MRC2: variants seen among roughly 807,000 people sequenced by gnomAD.
MRC2 encodes the protein C-type mannose receptor 2.
In MRC2, 84 loss-of-function variants were observed where a neutral mutation model predicts 206.2. The ratio of observed to expected loss-of-function variants is 0.41; its 90% CI spans 0.34 to 0.49. The LOEUF is 0.49. Ranked by LOEUF, MRC2 falls within the 20% of genes least tolerant of loss-of-function variation. The pLI is 0.31. For synonymous variants in MRC2, 798 were observed against 800.0 expected (o/e 1.00, Z 0.04); for missense variants, 1,676 against 2,001.5 (o/e 0.84, Z 3.10).
At chr17:62,628,239 C>T (rs2084185919) in intron 1 of MRC2, among the ~76,000 whole-genome samples, 1 of 152,016 alleles carries the variant, frequency 6.6e-6, no homozygotes, top group South Asian at 2.1e-4. Context: ...ACCGCGCTCC[C>T]GGACCACCCG....
Position 62,690,067 on chromosome 17 carries a change from G to A in MRC2, c.3742+5G>A. The A allele has an allele frequency of 6.3e-7, 1 of 1,590,908 alleles. No homozygotes were observed. Among genetic ancestry groups the A allele is most frequent in the Non-Finnish European group, 8.6e-7 (1 of 1,167,004 alleles). On this transcript the variant is annotated splice_donor_5th_base_variant and intron_variant, in intron 25 of 29. Coordinates refer to ENST00000303375, the MANE Select transcript of MRC2 (RefSeq NM_006039.5). ...CTGTGTGTGGGGTTAGCAGTGGTGA[G>A]TGCCCACCTGCCAGGGCGGGGGCAT...
At chr17:62,657,996 C>T (rs997949305) in intron 1 of MRC2, among the ~76,000 whole-genome samples, 12 of 152,148 alleles carry the variant, frequency 7.9e-5, no homozygotes, top group Non-Finnish European at 1.8e-4. Flanking sequence ...AGAGCTCCTG[C>T]ACGCCTCTCC....
rs1192409243 is a variant in MRC2, at chr17:62,666,031, G to C, written c.521-63G>C. The C allele has an allele frequency of 2.1e-5, 32 of 1,505,480 alleles. No homozygotes were observed. Among genetic ancestry groups the C allele is most frequent in the Middle Eastern group, 3.5e-4 (2 of 5,768 alleles). 93.3% of individuals were successfully genotyped at this position (1,505,480 alleles called of 1,614,324 possible). A position where few individuals can be genotyped will look rare whatever the true frequency, so the allele number is the denominator to read the frequency against. ...TTTTAGGGGATTTCTCCTGAGGGTC[G>C]AGGGGCTTGGCAGCCTCTGGTGTCC... On this transcript the variant is annotated intron_variant, in intron 2 of 29. Coordinates refer to ENST00000303375, the MANE Select transcript of MRC2 (RefSeq NM_006039.5). The surrounding 1 kb of genome is among the most constrained non-coding windows in gnomAD (Gnocchi z 5.0).
chr17:62,689,529 C>T lies in MRC2; in HGVS notation c.3342C>T (p.Ser1114=), dbSNP rs1598999089. ...GFICQKGTDP[S]LSPSPAALPP... is the part of the protein sequence containing the mutation. Reference sequence around the variant, plus strand: ...CTGACCCCTTCCCTGTAGACCCCTCCCTGAGCCCGTCCCCAGCAGCGCTGC... The same window carrying T: ...CTGACCCCTTCCCTGTAGACCCCTCTCTGAGCCCGTCCCCAGCAGCGCTGC... The change falls in exon 24 of 30, where the codon TCC becomes TCT. Residue 1114 remains serine, a synonymous_variant. Coordinates refer to ENST00000303375, the MANE Select transcript of MRC2 (RefSeq NM_006039.5). The T allele has an allele frequency of 2.5e-6, 4 of 1,573,158 alleles. No individual in the cohort carries two copies. Among genetic ancestry groups the T allele is most frequent in the Middle Eastern group, 1.9e-4 (1 of 5,186 alleles).
chr17:62,645,464 T>C (rs1404877202), intron 1 of MRC2, among the ~76,000 whole-genome samples: 1 of 146,554 alleles, frequency 6.8e-6, no homozygotes, highest in Admixed American at 6.9e-5. Context: ...ATTGTGTGTG[T>C]ATATATACAC....
chr17:62,675,645 C>T lies in MRC2; in HGVS notation c.1570-145C>T, dbSNP rs919532468. 1.2e-5 allele frequency: 8 copies of T among 647,348 alleles called. No individual in the cohort carries two copies. In the African/African-American group the frequency reaches 1.4e-4, roughly 12 times the overall value. The allele number at this position is 647,348 out of a possible 1,614,324, so 40.1% of individuals were successfully genotyped here. A position where few individuals can be genotyped will look rare whatever the true frequency, so the allele number is the denominator to read the frequency against. On this transcript the variant is annotated intron_variant, in intron 9 of 29. Transcript: ENST00000303375. This position sits in a 1 kb window ranked among gnomAD's most constrained non-coding sequence, Gnocchi z 4.1. ...GAATGTGGAGAAACGAGGTGCAGAACACAGCCCAGTACTCAAACCAGTCCC... is the reference window on the plus strand; with the variant it reads ...GAATGTGGAGAAACGAGGTGCAGAATACAGCCCAGTACTCAAACCAGTCCC...
Position 62,690,142 on chromosome 17 carries a change from C to G in MRC2, c.3743-14C>G, listed in dbSNP as rs2089087984. The G allele has an allele frequency of 6.3e-7, 1 of 1,595,600 alleles. No individual in the cohort carries two copies. ...GAGGGTGCTGAGCCACTTCTTAATC[C>G]TGTACCCCCACAGGGCCCCCTCCTC... On this transcript the variant is annotated splice_polypyrimidine_tract_variant and intron_variant, in intron 25 of 29. Coordinates refer to ENST00000303375, the MANE Select transcript of MRC2 (RefSeq NM_006039.5).
intron 1 of MRC2, among the ~76,000 whole-genome samples, chr17:62,636,250 CAA>C (rs11363983): frequency 0.012 from 1,642 of 136,710 alleles, 28 homozygotes; most frequent in African/African-American, 0.038. Flanking sequence ...GACCCTGTCG[CAA>C]AAAAAAAAAA....
intron 6 of MRC2, among the ~76,000 whole-genome samples, chr17:62,670,102 T>C (rs2088808874): frequency 1.3e-5 from 2 of 152,258 alleles, no homozygotes; most frequent in Non-Finnish European, 2.9e-5. Flanking sequence ...TTCCCGGACC[T>C]GCAGACAGAT....
chr17:62,688,077 G>C (rs935044284), intron 20 of MRC2, among the ~76,000 whole-genome samples: 5 of 152,172 alleles, frequency 3.3e-5, no homozygotes, highest in Non-Finnish European at 7.3e-5. Flanking sequence ...AGATCCCCTG[G>C]AGTGTGGGCA....
In MRC2 at chr17:62,664,093, G is replaced by A. The variant is rs377195073; in HGVS notation, c.119-455G>A. Among the ~76,000 whole-genome samples, 944 of 150,726 alleles carry A rather than the reference G, an allele frequency of 6.3e-3. 11 individuals carry two copies. Among genetic ancestry groups the A allele is most frequent in the African/African-American group, 0.022 (888 of 41,092 alleles). On this transcript the variant is annotated intron_variant, in intron 1 of 29. Coordinates refer to ENST00000303375, the MANE Select transcript of MRC2 (RefSeq NM_006039.5). This position sits in a 1 kb window ranked among gnomAD's most constrained non-coding sequence, Gnocchi z 4.7. The stretch of plus-strand genomic sequence containing the variant: ...TCCTGCCTCAGCCTCCCAAGTAGCT[G>A]GGACTACAGGCGCCCGCCACTACGC...
chr17:62,650,675 T>G (rs982045215), intron 1 of MRC2, among the ~76,000 whole-genome samples: 1 of 152,192 alleles, frequency 6.6e-6, no homozygotes, highest in African/African-American at 2.4e-5. Flanking sequence ...AGGGTTGTTA[T>G]AAGGATTAAT....
In MRC2 at chr17:62,682,293, C is replaced by T. The variant is rs749115395; in HGVS notation, c.2862C>T (p.Asn954=). ...TALPYICKRS[N]VTKETQPPDL... is the part of the protein sequence containing the mutation. ...TGCCCTACATCTGCAAGCGCAGCAA[C>T]GTCACCAAAGAAACGCAGCCCCCAG... Residue 954 remains asparagine (N), a synonymous_variant, in exon 20 of 30, where the codon AAC becomes AAT. Coordinates refer to ENST00000303375, the MANE Select transcript of MRC2 (RefSeq NM_006039.5). 1.8e-5 allele frequency: 29 copies of T among 1,605,496 alleles called. 1 individual carries two copies. Among genetic ancestry groups the T allele is most frequent in the East Asian group, 9.0e-5 (4 of 44,598 alleles).
In MRC2 at chr17:62,675,995, T is replaced by C; in HGVS notation, c.1685+90T>C. 1 of 1,084,026 alleles carries C rather than the reference T, an allele frequency of 9.2e-7. No homozygotes were observed. The highest frequency in any genetic ancestry group is 1.4e-6 in the Non-Finnish European group (1 of 721,060). The allele number at this position is 1,084,026 out of a possible 1,614,324, so 67.2% of individuals were successfully genotyped here. On this transcript the variant is annotated intron_variant, in intron 10 of 29. Coordinates refer to ENST00000303375, the MANE Select transcript of MRC2 (RefSeq NM_006039.5). The surrounding 1 kb of genome is among the most constrained non-coding windows in gnomAD (Gnocchi z 4.1). ...GCAAACAGGGTAGCATCTGCCATCA[T>C]GCCCAGAGGGACCTGGAGTCCTGTG...
At chr17:62,630,040 A>G (rs1386635430) in intron 1 of MRC2, among the ~76,000 whole-genome samples, 1 of 152,174 alleles carries the variant, frequency 6.6e-6, no homozygotes, top group Non-Finnish European at 1.5e-5. Flanking sequence ...CACTGGAAGG[A>G]GTCCTCTTTG....
At chr17:62,677,191 A>G (rs2088903571) in intron 11 of MRC2, 78 bp from the exon 12 acceptor site, 1 of 1,242,086 alleles carries the variant, frequency 8.1e-7, no homozygotes, top group Admixed American at 2.5e-5. Context: ...GGGCCGTGCT[A>G]GTGCCCTGCC....
intron 8 of MRC2, among the ~76,000 whole-genome samples, chr17:62,673,034 A>G (rs1315195799): frequency 6.6e-6 from 1 of 152,122 alleles, no homozygotes; most frequent in East Asian, 1.9e-4. Context: ...CCGTAGGGAC[A>G]CAGACCACCC....
chr17:62,669,779 C>T (rs2088805174), intron 6 of MRC2, among the ~76,000 whole-genome samples: 1 of 152,110 alleles, frequency 6.6e-6, no homozygotes, highest in Non-Finnish European at 1.5e-5. Flanking sequence ...TGGTCTCGAA[C>T]TCCTGTCTTC....
chr17:62,678,393 T>G, intron 12 of MRC2, 111 bp from the exon 13 acceptor site: 1 of 1,419,280 alleles, frequency 7.0e-7, no homozygotes, highest in East Asian at 2.4e-5. Flanking sequence ...CTTAGCCCCC[T>G]GTCCAGTAAG....
Sources: allele counts gnomAD v4.1 joint callset (sites outside exome capture counted in the v4.1 genomes callset), GRCh38; gene constraint gnomAD v4.1.1; non-coding constraint Gnocchi (gnomAD v3.1); transcripts MANE v1.5; gene names NCBI Gene and HGNC (gene_info 2026-07-23, HGNC 2026-07-21).